The following AKAP6 variants were observed in gnomAD, a reference collection of about 807,000 sequenced individuals.
The protein encoded by AKAP6 is A-kinase anchor protein 6.
In AKAP6, 58 loss-of-function variants were observed where a neutral mutation model predicts 188.5. The ratio of observed to expected loss-of-function variants is 0.31; its 90% CI spans 0.25 to 0.38. The LOEUF (loss-of-function observed/expected upper bound fraction) is 0.38. Among genes scored for constraint, AKAP6 ranks in the 10% least tolerant of loss-of-function variants. The pLI is 1.00. For missense variants in AKAP6, 2,710 were observed against 2,740.0 expected (o/e 0.99, Z 0.24); for synonymous variants, 989 against 998.6 (o/e 0.99, Z 0.18).
chr14:32,462,271 A>T (rs1891352805), intron 2 of AKAP6, among the ~76,000 whole-genome samples: 1 of 152,180 alleles, frequency 6.6e-6, no homozygotes, highest in African/African-American at 2.4e-5. Context: ...CCCAAGACAC[A>T]TAATCGTCAG....
chr14:32,500,934 A>G (rs1303223774), intron 2 of AKAP6, among the ~76,000 whole-genome samples: 1 of 152,130 alleles, frequency 6.6e-6, no homozygotes, highest in African/African-American at 2.4e-5. Flanking sequence ...GGACTCTTAA[A>G]GAACAAAGGT....
At position 32,786,562 on chromosome 14, in the gene AKAP6, G is replaced by A. The variant is rs532916038; in HGVS notation, c.3588+12669G>A. Among the ~76,000 whole-genome samples the A allele has an allele frequency of 2.0e-5, 3 of 151,954 alleles. No homozygotes were observed. The South Asian group carries it at 6.2e-4, about 32-fold the overall frequency. On this transcript the variant is annotated intron_variant, in intron 12 of 13. Transcript: ENST00000280979. ...GATGGTTTCGATCTCCTGACCTCGTGATCTGCCTGCCTCGGCCTCCCAAAG... is the reference window on the plus strand; with the variant it reads ...GATGGTTTCGATCTCCTGACCTCGTAATCTGCCTGCCTCGGCCTCCCAAAG...
At chr14:32,504,027 T>G (rs1382810079) in intron 2 of AKAP6, among the ~76,000 whole-genome samples, 1 of 151,868 alleles carries the variant, frequency 6.6e-6, no homozygotes, top group African/African-American at 2.4e-5. Flanking sequence ...TTAGTGAGGT[T>G]GCTATTTTGA....
chr14:32,457,214 G>A (rs998986815), intron 2 of AKAP6, among the ~76,000 whole-genome samples: 8 of 152,094 alleles, frequency 5.3e-5, no homozygotes, highest in African/African-American at 1.9e-4. Context: ...ACTACTGAGT[G>A]GTATCTACTG....
chr14:32,757,635 C>G (rs992915432), intron 11 of AKAP6, among the ~76,000 whole-genome samples: 1 of 152,228 alleles, frequency 6.6e-6, no homozygotes, highest in Non-Finnish European at 1.5e-5. Flanking sequence ...ACACCCTTCT[C>G]TTCAGCAAAC....
intron 7 of AKAP6, among the ~76,000 whole-genome samples, chr14:32,641,469 T>TAA (rs35618540): frequency 1.7e-4 from 20 of 119,876 alleles, no homozygotes; most frequent in African/African-American, 4.2e-4. Context: ...GAAACCCTGC[T>TAA]AAAAAAAAAA....
At chr14:32,695,885 A>G in intron 8 of AKAP6, 105 bp from the exon 9 acceptor site, 3 of 1,351,246 alleles carry the variant, frequency 2.2e-6, no homozygotes, top group South Asian at 1.5e-5. Flanking sequence ...CTTATTGTAG[A>G]TAACACTAGA....
At chr14:32,812,886 G>T (rs1594972993) in intron 12 of AKAP6, among the ~76,000 whole-genome samples, 2 of 152,150 alleles carry the variant, frequency 1.3e-5, no homozygotes, top group Non-Finnish European at 2.9e-5. Flanking sequence ...ACACTTAAAA[G>T]TTTCTCTGCA....
chr14:32,387,695 A>C (rs945206810), intron 1 of AKAP6, among the ~76,000 whole-genome samples: 1 of 151,304 alleles, frequency 6.6e-6, no homozygotes, highest in African/African-American at 2.4e-5. Flanking sequence ...CATGAAACCC[A>C]CTTGATCATG....
At chr14:32,802,142 C>T (rs936133055) in intron 12 of AKAP6, among the ~76,000 whole-genome samples, 1 of 152,112 alleles carries the variant, frequency 6.6e-6, no homozygotes, top group African/African-American at 2.4e-5. Flanking sequence ...TCCCACAGTT[C>T]TTGGGATATT....
At chr14:32,803,543 T>A (rs1039358309) in intron 12 of AKAP6, among the ~76,000 whole-genome samples, 4 of 152,172 alleles carry the variant, frequency 2.6e-5, no homozygotes, top group African/African-American at 9.7e-5. Flanking sequence ...CTCAAATACC[T>A]CCTCTTCCCA....
intron 7 of AKAP6, among the ~76,000 whole-genome samples, chr14:32,668,700 C>G (rs1889052643): frequency 6.6e-6 from 1 of 151,836 alleles, no homozygotes; most frequent in South Asian, 2.1e-4. Flanking sequence ...GTAAATAAAC[C>G]TTGAGAACCT....
intron 2 of AKAP6, among the ~76,000 whole-genome samples, chr14:32,456,695 G>T (rs369208539): frequency 4.6e-5 from 7 of 152,188 alleles, no homozygotes; most frequent in African/African-American, 1.7e-4. Context: ...TCATGTATCT[G>T]TGGTTGGCAG....
At chr14:32,349,329 A>T (rs926630904) in intron 1 of AKAP6, among the ~76,000 whole-genome samples, 4 of 139,302 alleles carry the variant, frequency 2.9e-5, no homozygotes, top group Non-Finnish European at 4.7e-5. Context: ...AAACTAAAAG[A>T]TCACAAGAGA....
intron 8 of AKAP6, among the ~76,000 whole-genome samples, chr14:32,687,230 T>C (rs1481060748): frequency 6.6e-6 from 1 of 152,194 alleles, no homozygotes; most frequent in Non-Finnish European, 1.5e-5. Context: ...AAATATCACT[T>C]GATTAAAGAC....
rs1886502087 is a variant in AKAP6, at chr14:32,330,645, G to C, written c.-35+1237G>C. Among the ~76,000 whole-genome samples, 3 of 141,356 alleles carry C rather than the reference G, an allele frequency of 2.1e-5. No homozygotes were observed. The South Asian group carries it at 6.9e-4, about 33-fold the overall frequency. The allele number at this position is 141,356 out of a possible 152,430, so 92.7% of individuals were successfully genotyped here. ...CATTGAATTCCTCTTCTTTTAGTCT[G>C]TTTATTGGGGCTAAAGAGATATATC... On this transcript the variant is annotated intron_variant, in intron 1 of 13. Coordinates refer to ENST00000280979, the MANE Select transcript of AKAP6 (RefSeq NM_004274.5).
chr14:32,369,334 G>T (rs1303263985), intron 1 of AKAP6, among the ~76,000 whole-genome samples: 1 of 152,190 alleles, frequency 6.6e-6, no homozygotes, highest in Non-Finnish European at 1.5e-5. Flanking sequence ...CCAGAAACCG[G>T]TAACTGTTAG....
chr14:32,730,686 G>C (rs576236526), intron 9 of AKAP6, among the ~76,000 whole-genome samples: 1 of 152,064 alleles, frequency 6.6e-6, no homozygotes, highest in Non-Finnish European at 1.5e-5. Context: ...ATTTGAATAA[G>C]ATTTTCCTGC....
At chr14:32,505,964 T>C (rs1422309642) in intron 2 of AKAP6, among the ~76,000 whole-genome samples, 2 of 152,026 alleles carry the variant, frequency 1.3e-5, no homozygotes, top group Admixed American at 1.3e-4. Flanking sequence ...AGGGTTAAGC[T>C]GGGTATTAAT....
Sources: allele counts gnomAD v4.1 joint callset (sites outside exome capture counted in the v4.1 genomes callset), GRCh38; gene constraint gnomAD v4.1.1; transcripts MANE v1.5; gene names NCBI Gene and HGNC (gene_info 2026-07-23, HGNC 2026-07-21).